The following NCAPD3 variants were observed in gnomAD, a reference collection of about 807,000 sequenced individuals.
NCAPD3 encodes condensin-2 complex subunit D3.
NCAPD3 carries 105 observed loss-of-function variants against 182.9 expected under a neutral mutation model. That is an observed-to-expected ratio of 0.57 (90% CI 0.49 to 0.68). The LOEUF is 0.68. Ranked by LOEUF, NCAPD3 falls within the 30% of genes least tolerant of loss-of-function variation. The pLI is 0.00. For missense variants in NCAPD3, 1,944 were observed against 1,837.0 expected, an observed-to-expected ratio of 1.06 and a Z score of -1.07; for synonymous variants, 815 against 679.9, an observed-to-expected ratio of 1.20 and a Z score of -3.09.
chr11:134,202,575 C>A (rs998402151), intron 13 of NCAPD3, among the ~76,000 whole-genome samples: 2 of 151,506 alleles, frequency 1.3e-5, no homozygotes, highest in South Asian at 2.1e-4. Flanking sequence ...GAGATGGGGT[C>A]TTGATGTGTT....
Position 134,180,228 on chromosome 11 carries a change from G to C in NCAPD3, c.2559+849C>G, listed in dbSNP as rs191527924. The stretch of plus-strand genomic sequence containing the variant: ...GATCACGTGCACAGTAGTGCCTCAG[G>C]CTCAATGGTCTTCTCTTTGAACAAA... On this transcript the variant is annotated intron_variant, in intron 20 of 34. Transcript: ENST00000534548. Among the ~76,000 whole-genome samples the C allele has an allele frequency of 1.3e-3, 193 of 152,162 alleles. 2 individuals are homozygous for C. The highest frequency in any genetic ancestry group is 4.4e-3 in the African/African-American group (184 of 41,506).
In NCAPD3 at chr11:134,151,099, A is replaced by G. The variant is rs1943216956; in HGVS notation, c.*1845T>C. 1.3e-5 allele frequency: 2 copies of G among 152,272 alleles called. No homozygotes were observed. The highest frequency in any genetic ancestry group is 4.8e-5 in the African/African-American group (2 of 41,472). 9.4% of individuals were successfully genotyped at this position (152,272 alleles called of 1,614,324 possible). ...GCTGTAAAGCAAGGAGCTGCTGAGA[A>G]GGAGCACTCCACTGTGTGCCTGGAG... On this transcript the variant is annotated 3_prime_UTR_variant, in exon 35 of 35. Coordinates refer to ENST00000534548, the MANE Select transcript of NCAPD3 (RefSeq NM_015261.3).
intron 3 of NCAPD3, 59 bp downstream of exon 3, chr11:134,216,877 A>C: frequency 6.7e-7 from 1 of 1,494,046 alleles, no homozygotes; most frequent in Non-Finnish European, 9.0e-7. Context: ...ATAAGAATTG[A>C]AAACTGTAGA....
intron 13 of NCAPD3, among the ~76,000 whole-genome samples, chr11:134,200,109 A>G (rs1565548807): frequency 6.6e-6 from 1 of 152,204 alleles, no homozygotes; most frequent in Non-Finnish European, 1.5e-5. Flanking sequence ...AAAATTGATC[A>G]AAGACCTAAA....
At chr11:134,182,608 C>A (rs1384233429) in intron 19 of NCAPD3, among the ~76,000 whole-genome samples, 1 of 152,174 alleles carries the variant, frequency 6.6e-6, no homozygotes, top group Non-Finnish European at 1.5e-5. Context: ...GTCACTGATA[C>A]TGAACTATCA....
At chr11:134,164,802 G>C (rs769938129) in intron 27 of NCAPD3, among the ~76,000 whole-genome samples, 7 of 147,664 alleles carry the variant, frequency 4.7e-5, no homozygotes, top group Non-Finnish European at 8.9e-5. Flanking sequence ...GAACTTAGGG[G>C]AACTTCACAC....
In NCAPD3 at chr11:134,151,559, A is replaced by G. The variant is rs1026039161; in HGVS notation, c.*1385T>C. 6 of 152,224 alleles carry G rather than the reference A, an allele frequency of 3.9e-5. No homozygotes were observed. Among genetic ancestry groups the G allele is most frequent in the African/African-American group, 1.2e-4 (5 of 41,452 alleles). The allele number at this position is 152,224 out of a possible 1,614,324, so 9.4% of individuals were successfully genotyped here. On this transcript the variant is annotated 3_prime_UTR_variant, in exon 35 of 35. Coordinates refer to ENST00000534548, the MANE Select transcript of NCAPD3 (RefSeq NM_015261.3). Reference sequence around the variant, plus strand: ...AGTAGAGTCTGGGAAGTAGCTGCCTATAACTGAGACTAGACGGAAAAGGAA... The same window carrying G: ...AGTAGAGTCTGGGAAGTAGCTGCCTGTAACTGAGACTAGACGGAAAAGGAA...
At chr11:134,178,354 G>A in intron 22 of NCAPD3, 1 of 256,436 alleles carries the variant, frequency 3.9e-6, no homozygotes, top group Non-Finnish European at 7.3e-6. Flanking sequence ...AGGTATAATT[G>A]TAATAAATTA....
chr11:134,190,450 C>A (rs1246994479), intron 16 of NCAPD3, among the ~76,000 whole-genome samples: 5 of 152,148 alleles, frequency 3.3e-5, no homozygotes, highest in African/African-American at 4.8e-5. Flanking sequence ...CCTTCTCATT[C>A]CTCCCTTCTG....
intron 2 of NCAPD3, among the ~76,000 whole-genome samples, chr11:134,219,938 G>T (rs1265112205): frequency 2.0e-5 from 3 of 152,050 alleles, no homozygotes; most frequent in African/African-American, 7.2e-5. Flanking sequence ...TGGGATTACA[G>T]AAGCCCGCCA....
intron 16 of NCAPD3, among the ~76,000 whole-genome samples, chr11:134,188,086 TTC>T (rs905487518): frequency 5.3e-5 from 8 of 152,186 alleles, no homozygotes; most frequent in African/African-American, 1.9e-4. Flanking sequence ...TGGAGAACTT[TTC>T]TGTCTAGCTA....
At position 134,159,874 on chromosome 11, in the gene NCAPD3, A is replaced by G. The variant is rs1425322550; in HGVS notation, c.3867+18T>C. 1.2e-6 allele frequency: 2 copies of G among 1,606,952 alleles called. No homozygotes were observed. The highest frequency in any genetic ancestry group is 1.7e-6 in the Non-Finnish European group (2 of 1,177,736). ...AGACTGGACTGTCTGGTCACAGTGC[A>G]GTGGGCCCCACACCTACCTGTGCCA... On this transcript the variant is annotated intron_variant, in intron 29 of 34. Coordinates refer to ENST00000534548, the MANE Select transcript of NCAPD3 (RefSeq NM_015261.3).
At chr11:134,167,558 C>G (rs1411247341) in intron 27 of NCAPD3, among the ~76,000 whole-genome samples, 8 of 109,528 alleles carry the variant, frequency 7.3e-5, no homozygotes, top group South Asian at 3.1e-4. Flanking sequence ...CTCGGGGGAG[C>G]TGCACACTCA....
At chr11:134,155,434 C>T (rs1268272847) in intron 32 of NCAPD3, among the ~76,000 whole-genome samples, 2 of 152,134 alleles carry the variant, frequency 1.3e-5, no homozygotes, top group Non-Finnish European at 2.9e-5. Flanking sequence ...TAAAGAGAGA[C>T]GGACAGAGAC....
At chr11:134,213,809 G>C (rs909601191) in intron 3 of NCAPD3, among the ~76,000 whole-genome samples, 1 of 152,012 alleles carries the variant, frequency 6.6e-6, no homozygotes, top group African/African-American at 2.4e-5. Flanking sequence ...TAGACTTCAA[G>C]ACAAGGAATA....
At chr11:134,163,573 G>A (rs1943655970) in intron 27 of NCAPD3, among the ~76,000 whole-genome samples, 1 of 151,970 alleles carries the variant, frequency 6.6e-6, no homozygotes, top group Non-Finnish European at 1.5e-5. Context: ...GGTGGCTGGT[G>A]CCTGTAGTCC....
Position 134,202,881 on chromosome 11 carries a change from G to C in NCAPD3, c.1550C>G (p.Ser517Cys), listed in dbSNP as rs756739528. 1 of 1,605,206 alleles carries C rather than the reference G, an allele frequency of 6.2e-7. No homozygotes were observed. ...CTCCCCTGAGGGTTCGGAACGGTTA[G>C]ATGTCTGCCTTTGGTAGGAAAAAGC... ...SSAFSYQRQT[S>C]NRSEPSGEIN... is the part of the protein sequence containing the mutation. The change falls in exon 13 of 35, where the codon TCT (serine) becomes TGT (cysteine). Residue 517 changes from serine (S) to cysteine (C), a missense_variant. Around this residue, in one of 3 missense-constraint regions of NCAPD3, gnomAD observed 1,803 missense variants for 1,674.6 expected, o/e 1.08. Coordinates refer to ENST00000534548, the MANE Select transcript of NCAPD3 (RefSeq NM_015261.3).
intron 1 of NCAPD3, chr11:134,223,251 A>T: frequency 1.0e-5 from 6 of 589,050 alleles, no homozygotes; most frequent in Non-Finnish European, 1.8e-5. Flanking sequence ...AAGCAGCTAA[A>T]ATACTCCTGC....
chr11:134,152,994 C>T lies in NCAPD3; in HGVS notation c.4447G>A (p.Ala1483Thr), dbSNP rs1483370323. 1 of 1,586,082 alleles carries T rather than the reference C, an allele frequency of 6.3e-7. No individual in the cohort carries two copies. The highest frequency in any genetic ancestry group is 1.2e-5 in the South Asian group (1 of 86,612). Residue 1483 changes from alanine (A) to threonine (T), a missense_variant, in exon 35 of 35, where the codon GCC becomes ACC. By Grantham distance (58) the Ala-to-Thr change is moderately conservative. Transcript: ENST00000534548. ...TTTCGGAGGGACCTCCTGCTGCAGG[C>T]TGGAGTGTCTTTATTCCTGGCGGGA... ...RSPARNKDTP[A>T]CSRRSLRKTP...
Sources: allele counts gnomAD v4.1 joint callset (sites outside exome capture counted in the v4.1 genomes callset), GRCh38; gene constraint gnomAD v4.1.1; regional missense constraint gnomAD v4.1.1; transcripts MANE v1.5; gene names NCBI Gene and HGNC (gene_info 2026-07-23, HGNC 2026-07-21).